The following IL1RAPL1 variants were observed in gnomAD, a reference collection of about 807,000 sequenced individuals.
The protein encoded by IL1RAPL1 is interleukin-1 receptor accessory protein-like 1.
A neutral mutation model predicts 48.4 loss-of-function variants in IL1RAPL1; 3 were observed. The observed-to-expected ratio is 0.06, with a 90% CI of 0.03 to 0.16. IL1RAPL1 has a LOEUF of 0.16. Among genes scored for constraint, IL1RAPL1 ranks in the 10% least tolerant of loss-of-function variants. IL1RAPL1 has a pLI of 1.00. For missense variants in IL1RAPL1, 349 were observed against 530.6 expected (o/e 0.66, Z 3.36); for synonymous variants, 185 against 187.7 (o/e 0.99, Z 0.12).
chrX:29,461,692 A>T (rs1444406123), intron 5 of IL1RAPL1, among the ~76,000 whole-genome samples: 1 of 112,132 alleles, frequency 8.9e-6, no homozygotes, highest in African/African-American at 3.2e-5. Context: ...AAAAGAAATA[A>T]ATTACTGATA....
At chrX:29,716,792 A>C (rs1380527383) in intron 6 of IL1RAPL1, among the ~76,000 whole-genome samples, 2 of 111,797 alleles carry the variant, frequency 1.8e-5, no homozygotes, top group South Asian at 7.4e-4. Context: ...CTTAAAAATG[A>C]ATGTGAGTTA....
chrX:29,366,624 A>G (rs1480868335), intron 3 of IL1RAPL1, among the ~76,000 whole-genome samples: 1 of 81,206 alleles, frequency 1.2e-5, no homozygotes, highest in African/African-American at 5.1e-5. Flanking sequence ...GCTGGAGTGC[A>G]GTGGCGCGAT....
chrX:29,109,290 C>T (rs1435926512), intron 2 of IL1RAPL1, among the ~76,000 whole-genome samples: 2 of 81,424 alleles, frequency 2.5e-5, no homozygotes, highest in African/African-American at 8.9e-5. Context: ...TCAGAGAGTA[C>T]CTGTTCTTTT....
intron 5 of IL1RAPL1, among the ~76,000 whole-genome samples, chrX:29,476,904 C>T (rs1360065591): frequency 4.2e-5 from 1 of 23,959 alleles, no homozygotes; most frequent in African/African-American, 6.6e-4. Context: ...GACGGAGTCT[C>T]GCTCTGTCGC....
intron 6 of IL1RAPL1, among the ~76,000 whole-genome samples, chrX:29,783,150 C>G: frequency 9.1e-6 from 1 of 109,479 alleles, no homozygotes; most frequent in Non-Finnish European, 1.9e-5. Flanking sequence ...GTGATCCGCC[C>G]GCCTCGGCCT....
chrX:29,562,090 TGTC>T (rs1922233645), intron 5 of IL1RAPL1, among the ~76,000 whole-genome samples: 1 of 74,236 alleles, frequency 1.3e-5, no homozygotes, highest in African/African-American at 6.4e-5. Flanking sequence ...CTAATCTATC[TGTC>T]TATCTATCTA....
intron 4 of IL1RAPL1, 108 bp downstream of exon 4, chrX:29,396,552 C>G: frequency 2.8e-6 from 2 of 716,421 alleles, no homozygotes; most frequent in Non-Finnish European, 4.4e-6. Context: ...TTTAGCTTTG[C>G]CTTTCTAGAA....
rs1177872594 is a variant in IL1RAPL1, at chrX:28,956,241, A to G, written c.82+166816A>G. On this transcript the variant is annotated intron_variant, in intron 2 of 10. Transcript: ENST00000378993. Reference sequence around the variant, plus strand: ...ATTTGACTCCCTCTTTTCCTAATTGAATACCCTTTATTTCCTTCTCCTGCC... The same window carrying G: ...ATTTGACTCCCTCTTTTCCTAATTGGATACCCTTTATTTCCTTCTCCTGCC... 3.2e-3 allele frequency among the ~76,000 whole-genome samples: 347 copies of G among 107,802 alleles called. 3 individuals carry two copies. Among genetic ancestry groups the G allele is most frequent in the African/African-American group, 0.011 (327 of 29,475 alleles). 93.6% of individuals were successfully genotyped at this position (107,802 alleles called of 115,157 possible). A position where few individuals can be genotyped will look rare whatever the true frequency, so the allele number is the denominator to read the frequency against.
intron 2 of IL1RAPL1, among the ~76,000 whole-genome samples, chrX:29,182,570 A>G (rs1930165631): frequency 1.1e-5 from 1 of 93,745 alleles, no homozygotes; most frequent in Admixed American, 1.2e-4. Flanking sequence ...ACGCTCATGT[A>G]CTTAGTTTTT....
At chrX:29,910,622 A>G (rs1230658134) in intron 6 of IL1RAPL1, among the ~76,000 whole-genome samples, 2 of 112,083 alleles carry the variant, frequency 1.8e-5, no homozygotes, top group Admixed American at 1.9e-4. Flanking sequence ...TTATAAATTC[A>G]TTATAGTGTT....
chrX:28,603,528 G>A (rs1934050070), intron 1 of IL1RAPL1, among the ~76,000 whole-genome samples: 1 of 111,869 alleles, frequency 8.9e-6, no homozygotes, highest in South Asian at 3.7e-4. Context: ...ATTTTTAAAT[G>A]TATTTCTTTG....
intron 5 of IL1RAPL1, among the ~76,000 whole-genome samples, chrX:29,615,912 G>A (rs1451355700): frequency 9.0e-6 from 1 of 111,558 alleles, no homozygotes; most frequent in African/African-American, 3.3e-5. Context: ...ATTCTTATCT[G>A]TAAAATGTGT....
At chrX:29,339,504 A>T (rs1327110546) in intron 3 of IL1RAPL1, among the ~76,000 whole-genome samples, 6 of 112,063 alleles carry the variant, frequency 5.4e-5, no homozygotes, top group Non-Finnish European at 1.9e-5. Context: ...TGTTCCCTTT[A>T]TAAAAAATAA....
At chrX:29,819,918 C>T (rs1437452728) in intron 6 of IL1RAPL1, among the ~76,000 whole-genome samples, 1 of 103,033 alleles carries the variant, frequency 9.7e-6, no homozygotes, top group South Asian at 4.6e-4. Context: ...TACAAAAGGG[C>T]TTTCAAATGT....
At chrX:29,147,980 G>A (rs1929383202) in intron 2 of IL1RAPL1, among the ~76,000 whole-genome samples, 1 of 111,463 alleles carries the variant, frequency 9.0e-6, no homozygotes, top group Admixed American at 9.5e-5. Flanking sequence ...TTTGTAAGAG[G>A]TTTTTATAAT....
At chrX:29,336,255 TTACA>T (rs1012553553) in intron 3 of IL1RAPL1, among the ~76,000 whole-genome samples, 1 of 65,129 alleles carries the variant, frequency 1.5e-5, no homozygotes, top group Non-Finnish European at 3.0e-5. Flanking sequence ...CTTTAATATA[TTACA>T]TATATATGCC....
intron 6 of IL1RAPL1, among the ~76,000 whole-genome samples, chrX:29,792,294 T>C (rs1396702653): frequency 8.9e-6 from 1 of 112,004 alleles, no homozygotes; most frequent in Non-Finnish European, 1.9e-5. Flanking sequence ...GGGAAGCATC[T>C]ACCTCCAACT....
intron 2 of IL1RAPL1, among the ~76,000 whole-genome samples, chrX:28,919,966 G>A (rs940522555): frequency 1.4e-4 from 16 of 111,665 alleles, no homozygotes; most frequent in Non-Finnish European, 2.3e-4. Context: ...ATTGTACTAC[G>A]GACTGGCAGG....
intron 5 of IL1RAPL1, among the ~76,000 whole-genome samples, chrX:29,539,113 A>G (rs1272751619): frequency 9.0e-6 from 1 of 111,607 alleles, no homozygotes; most frequent in Non-Finnish European, 1.9e-5. Context: ...AAAACACCCA[A>G]AAAACTACGG....
Sources: allele counts gnomAD v4.1 joint callset (sites outside exome capture counted in the v4.1 genomes callset), GRCh38; gene constraint gnomAD v4.1.1; transcripts MANE v1.5; gene names NCBI Gene and HGNC (gene_info 2026-07-23, HGNC 2026-07-21).